Variants in ENC1 observed in about 807,000 individuals in gnomAD.
The protein encoded by ENC1 is ectoderm-neural cortex protein 1.
A neutral mutation model predicts 40.9 loss-of-function variants in ENC1; 19 were observed. That is an observed-to-expected ratio of 0.46 (90% CI 0.32 to 0.68). The LOEUF is 0.68. Ranked by LOEUF, ENC1 falls within the 30% of genes least tolerant of loss-of-function variation. The probability of loss-of-function intolerance (pLI) is 0.03; values close to 1 mark genes in which losing one functional copy is unlikely to be tolerated. For missense variants in ENC1, 479 were observed against 737.5 expected, an observed-to-expected ratio of 0.65 and a Z score of 4.06; for synonymous variants, 285 against 291.1, an observed-to-expected ratio of 0.98 and a Z score of 0.21.
chr5:74,631,837 A>G (rs1460934827), intron 2 of ENC1, among the ~76,000 whole-genome samples: 1 of 152,244 alleles, frequency 6.6e-6, no homozygotes, highest in Non-Finnish European at 1.5e-5. Context: ...AAGTCTAAAG[A>G]TAACAAGCAG....
In ENC1 at chr5:74,627,729, C is replaced by T. The variant is rs1424530212; in HGVS notation, c.*2296G>A. Reference sequence around the variant, plus strand: ...CAACCAGCCCACAAAATAAGAAGAACCTTCTCTGTCTTATGCCAAGGTTTT... The same window carrying T: ...CAACCAGCCCACAAAATAAGAAGAATCTTCTCTGTCTTATGCCAAGGTTTT... On this transcript the variant is annotated 3_prime_UTR_variant, in exon 3 of 3. Coordinates refer to ENST00000302351, the MANE Select transcript of ENC1 (RefSeq NM_003633.4). 1.3e-5 allele frequency: 2 copies of T among 152,654 alleles called. No homozygotes were observed. The highest frequency in any genetic ancestry group is 2.9e-5 in the Non-Finnish European group (2 of 68,036). 9.5% of individuals were successfully genotyped at this position (152,654 alleles called of 1,614,324 possible).
intron 1 of ENC1, among the ~76,000 whole-genome samples, chr5:74,638,991 C>T (rs1036957768): frequency 3.9e-5 from 6 of 152,124 alleles, no homozygotes; most frequent in Non-Finnish European, 8.8e-5. Context: ...CTTAGAAGAC[C>T]TTAGGATATA....
At position 74,627,824 on chromosome 5, in the gene ENC1, G is replaced by A. The variant is rs1747252971; in HGVS notation, c.*2201C>T. The A allele has an allele frequency of 6.5e-6, 1 of 152,676 alleles. No individual in the cohort carries two copies. Among genetic ancestry groups the A allele is most frequent in the African/African-American group, 2.4e-5 (1 of 41,458 alleles). The allele number at this position is 152,676 out of a possible 1,614,324, so 9.5% of individuals were successfully genotyped here. The stretch of plus-strand genomic sequence containing the variant: ...CGTTTCACAGGGTGAGAATGGTCAA[G>A]TAGTGAGACCAAATGCCTATATCGA... On this transcript the variant is annotated 3_prime_UTR_variant, in exon 3 of 3. Transcript: ENST00000302351.
chr5:74,634,507 G>A (rs7713307), intron 2 of ENC1, among the ~76,000 whole-genome samples, 177 bp downstream of exon 2: 46 of 152,298 alleles, frequency 3.0e-4, no homozygotes, highest in African/African-American at 1.1e-3. Context: ...CCATGGTGGG[G>A]GCTGAGGCTG....
At chr5:74,640,090 C>T (rs1238726486) in intron 1 of ENC1, 1 of 152,238 alleles carries the variant, frequency 6.6e-6, no homozygotes, top group Admixed American at 6.5e-5. Flanking sequence ...GAGGGGAGGC[C>T]GGTCGACCTC....
At position 74,635,230 on chromosome 5, in the gene ENC1, G is replaced by C. The variant is rs753407500; in HGVS notation, c.1256C>G (p.Pro419Arg). The change falls in exon 2 of 3, where the codon CCC becomes CGC. Residue 419 changes from proline to arginine, a missense_variant. Transcript: ENST00000302351. This position sits in a 1 kb window ranked among gnomAD's most constrained non-coding sequence, Gnocchi z 5.5. ...VSLKQVEHYDPTINKWTMVAP... is the reference protein window; with the variant it reads ...VSLKQVEHYDRTINKWTMVAP... ...CACCATGGTCCATTTGTTGATTGTG[G>C]GGTCATAATGTTCTACCTGCTTTAG... 9 of 1,614,176 alleles carry C rather than the reference G, an allele frequency of 5.6e-6. No individual in the cohort carries two copies. The highest frequency in any genetic ancestry group is 7.6e-6 in the Non-Finnish European group (9 of 1,180,024).
intron 2 of ENC1, among the ~76,000 whole-genome samples, chr5:74,633,575 T>G (rs1392114634): frequency 6.6e-6 from 1 of 152,218 alleles, no homozygotes; most frequent in African/African-American, 2.4e-5. Flanking sequence ...GCTAATAATT[T>G]TGGAGAGAAT....
In ENC1 at chr5:74,635,320, C is replaced by G. The variant is rs1435284543; in HGVS notation, c.1166G>C (p.Cys389Ser). Residue 389 changes from cysteine (C) to serine (S), a missense_variant, in exon 2 of 3, where the codon TGC (cysteine) becomes TCC (serine). Coordinates refer to ENST00000302351, the MANE Select transcript of ENC1 (RefSeq NM_003633.4). This position sits in a 1 kb window ranked among gnomAD's most constrained non-coding sequence, Gnocchi z 5.5. ...CGTGTGCCCCCCAACCACATACAGG[C>G]AGTGCTTCAGTTCAGCAGAGCCATG... The part of the protein sequence containing the change: ...FGHGSAELKH[C>S]LYVVGGHTAA... The G allele has an allele frequency of 6.2e-7, 1 of 1,614,138 alleles. No homozygotes were observed.
rs1244922133 is a variant in ENC1 at position 74,629,666 on chromosome 5, G to A, written c.*359C>T. The A allele has an allele frequency of 6.6e-6, 1 of 152,200 alleles. No individual in the cohort carries two copies. Among genetic ancestry groups the A allele is most frequent in the Non-Finnish European group, 1.5e-5 (1 of 68,050 alleles). 9.4% of individuals were successfully genotyped at this position (152,200 alleles called of 1,614,324 possible). A position where few individuals can be genotyped will look rare whatever the true frequency, so the allele number is the denominator to read the frequency against. On this transcript the variant is annotated 3_prime_UTR_variant, in exon 3 of 3. Transcript: ENST00000302351. ...TCTACACATAAATGGTGGGGCCCATGGAAATCAAATGCTGAATATGGTACA... is the reference window on the plus strand; with the variant it reads ...TCTACACATAAATGGTGGGGCCCATAGAAATCAAATGCTGAATATGGTACA...
chr5:74,637,496 G>C (rs1747644775), intron 1 of ENC1: 1 of 152,278 alleles, frequency 6.6e-6, no homozygotes, highest in South Asian at 2.1e-4. Context: ...CCAACTACCT[G>C]TCTTGCTCGG....
At chr5:74,633,904 G>C (rs1747478178) in intron 2 of ENC1, among the ~76,000 whole-genome samples, 1 of 152,214 alleles carries the variant, frequency 6.6e-6, no homozygotes, top group South Asian at 2.1e-4. Flanking sequence ...CGGGGTTGTT[G>C]TGAGGATAGA....
At position 74,636,746 on chromosome 5, in the gene ENC1, C is replaced by G. The variant is rs950408569; in HGVS notation, c.-13-248G>C. On this transcript the variant is annotated intron_variant, in intron 1 of 2. Coordinates refer to ENST00000302351, the MANE Select transcript of ENC1 (RefSeq NM_003633.4). The surrounding 1 kb of genome is among the most constrained non-coding windows in gnomAD (Gnocchi z 4.8). ...CTGTTTAAAAAAAAAAAAAAAATCA[C>G]TGCATAAAAAGCAGGTTCATCTTGG... 6.6e-6 allele frequency among the ~76,000 whole-genome samples: 1 copy of G among 151,460 alleles called. No individual in the cohort carries two copies. Among genetic ancestry groups the G allele is most frequent in the Non-Finnish European group, 1.5e-5 (1 of 67,890 alleles).
At position 74,629,075 on chromosome 5, in the gene ENC1, TGA is replaced by T. The variant is rs1747300431; in HGVS notation, c.*948_*949del. On this transcript the variant is annotated 3_prime_UTR_variant, in exon 3 of 3. Transcript: ENST00000302351. ...CCCATGAAATCCCATTAAAAGTTGG[TGA>T]GTCTGAGAAAAGCGATCTCCACGGT... The T allele has an allele frequency of 6.6e-6, 1 of 152,056 alleles. No homozygotes were observed. Among genetic ancestry groups the T allele is most frequent in the Non-Finnish European group, 1.5e-5 (1 of 67,998 alleles). 9.4% of individuals were successfully genotyped at this position (152,056 alleles called of 1,614,324 possible).
chr5:74,634,897 C>T lies in ENC1; in HGVS notation c.1589G>A (p.Ser530Asn). The stretch of plus-strand genomic sequence containing the variant: ...GTTTCCAGAGGCCACAGCATGGCAG[C>T]TCATGCGCTTTGCTGTCACATCTCC... Reference protein sequence around the residue: ...KVGDVTAKRMSCHAVASGNKL... With the variant: ...KVGDVTAKRMNCHAVASGNKL... Residue 530 changes from serine (S) to asparagine (N), a missense_variant, in exon 2 of 3, where the codon AGC (serine) becomes AAC (asparagine). By Grantham distance (46) the Ser-to-Asn change is conservative. Coordinates refer to ENST00000302351, the MANE Select transcript of ENC1 (RefSeq NM_003633.4). 6.2e-7 allele frequency: 1 copy of T among 1,614,160 alleles called. No homozygotes were observed. Among genetic ancestry groups the T allele is most frequent in the Non-Finnish European group, 8.5e-7 (1 of 1,179,976 alleles).
At position 74,629,794 on chromosome 5, in the gene ENC1, C is replaced by G. The variant is rs1747329105; in HGVS notation, c.*231G>C. The G allele has an allele frequency of 6.6e-6, 1 of 152,130 alleles. No individual in the cohort carries two copies. 9.4% of individuals were successfully genotyped at this position (152,130 alleles called of 1,614,324 possible). The stretch of plus-strand genomic sequence containing the variant: ...GGACTAGATCACAGGTTTGTTCATT[C>G]ATATTTAAACCATGTGCTACTTGCA... On this transcript the variant is annotated 3_prime_UTR_variant, in exon 3 of 3. Transcript: ENST00000302351.
At position 74,635,589 on chromosome 5, in the gene ENC1, A is replaced by G. The variant is rs1452331897; in HGVS notation, c.897T>C (p.Leu299=). The part of the protein sequence containing the change: ...RPRKTGHALF[L]LGGQTFMCDK... ...CACACATGAAAGTCTGTCCTCCCAGAAGGAAGAGGGCATGGCCAGTTTTCC... is the reference window on the plus strand; with the variant it reads ...CACACATGAAAGTCTGTCCTCCCAGGAGGAAGAGGGCATGGCCAGTTTTCC... The change falls in exon 2 of 3, where the codon CTT becomes CTC. Residue 299 remains leucine, a synonymous_variant. Coordinates refer to ENST00000302351, the MANE Select transcript of ENC1 (RefSeq NM_003633.4). The surrounding 1 kb of genome is among the most constrained non-coding windows in gnomAD (Gnocchi z 5.5). 1.2e-6 allele frequency: 2 copies of G among 1,614,200 alleles called. No homozygotes were observed. The highest frequency in any genetic ancestry group is 1.3e-5 in the African/African-American group (1 of 75,060).
chr5:74,635,287 G>A lies in ENC1; in HGVS notation c.1199C>T (p.Thr400Ile). 1.9e-6 allele frequency: 3 copies of A among 1,614,226 alleles called. No homozygotes were observed. Among genetic ancestry groups the A allele is most frequent in the Non-Finnish European group, 2.5e-6 (3 of 1,180,046 alleles). The part of the protein sequence containing the change: ...LYVVGGHTAA[T>I]GCLPASPSVS... ...TGAGGGGGAGGCCGGGAGGCAGCCA[G>A]TTGCGGCCGTGTGCCCCCCAACCAC... Residue 400 changes from threonine to isoleucine, a missense_variant, in exon 2 of 3, where the codon ACT (threonine) becomes ATT (isoleucine). Transcript: ENST00000302351. The surrounding 1 kb of genome is among the most constrained non-coding windows in gnomAD (Gnocchi z 5.5).
intron 2 of ENC1, chr5:74,632,382 A>G (rs532723780): frequency 6.6e-6 from 1 of 152,370 alleles, no homozygotes; most frequent in African/African-American, 2.4e-5. Context: ...CTGAGATGCC[A>G]GCAAGGCTAC....
At position 74,634,870 on chromosome 5, in the gene ENC1, T is replaced by C. The variant is rs867000845; in HGVS notation, c.1616A>G (p.Lys539Arg). 2 of 1,614,204 alleles carry C rather than the reference T, an allele frequency of 1.2e-6. No individual in the cohort carries two copies. The highest frequency in any genetic ancestry group is 2.7e-5 in the African/African-American group (2 of 75,046). The change falls in exon 2 of 3, where the codon AAA becomes AGA. Residue 539 changes from lysine to arginine, a missense_variant. Lys to Arg is a conservative substitution (Grantham distance 26, BLOSUM62 2). Transcript: ENST00000302351. ...MSCHAVASGNKLYVVGGYFGI... is the reference protein window; with the variant it reads ...MSCHAVASGNRLYVVGGYFGI... Reference sequence around the variant, plus strand: ...AAAGTATCCTCCAACCACGTAGAGTTTGTTTCCAGAGGCCACAGCATGGCA... The same window carrying C: ...AAAGTATCCTCCAACCACGTAGAGTCTGTTTCCAGAGGCCACAGCATGGCA...
Sources: allele counts gnomAD v4.1 joint callset (sites outside exome capture counted in the v4.1 genomes callset), GRCh38; gene constraint gnomAD v4.1.1; non-coding constraint Gnocchi (gnomAD v3.1); transcripts MANE v1.5; gene names NCBI Gene and HGNC (gene_info 2026-07-23, HGNC 2026-07-21).